CCDC171: variants seen among roughly 807,000 people sequenced by gnomAD.
CCDC171 encodes coiled-coil domain-containing protein 171.
CCDC171 carries 177 observed loss-of-function variants against 168.2 expected under a neutral mutation model. That is an observed-to-expected ratio of 1.05 (90% CI 0.93 to 1.19). The LOEUF is 1.19. Ranked by LOEUF, CCDC171 falls within the 50% of genes most tolerant of loss-of-function variation. The pLI is 0.00. For missense variants in CCDC171, 1,991 were observed against 1,539.0 expected (o/e 1.29, Z -4.91); for synonymous variants, 687 against 540.8 (o/e 1.27, Z -3.75).
intron 11 of CCDC171, among the ~76,000 whole-genome samples, chr9:15,709,456 G>C (rs1011350273): frequency 2.6e-5 from 4 of 152,090 alleles, no homozygotes; most frequent in Non-Finnish European, 5.9e-5. Context: ...AAGAAAAACA[G>C]AGGGAAAAGA....
chr9:15,575,836 A>C (rs950114184), intron 3 of CCDC171, among the ~76,000 whole-genome samples: 4 of 152,202 alleles, frequency 2.6e-5, no homozygotes, highest in African/African-American at 9.6e-5. Context: ...TCACGCCTGT[A>C]ATCCCAGCAC....
chr9:15,630,589 A>G (rs886481191), intron 7 of CCDC171, among the ~76,000 whole-genome samples: 4 of 152,184 alleles, frequency 2.6e-5, no homozygotes. Flanking sequence ...AGACTTTAAC[A>G]CCCCACTGTC....
intron 24 of CCDC171, among the ~76,000 whole-genome samples, chr9:15,914,673 G>A (rs142516197): frequency 1.5e-5 from 2 of 131,536 alleles, no homozygotes; most frequent in African/African-American, 5.3e-5. Flanking sequence ...TCTTGCTAGT[G>A]TTCCAGGTGA....
chr9:15,701,904 A>T lies in CCDC171; in HGVS notation c.1318+6567A>T, dbSNP rs144085111. On this transcript the variant is annotated intron_variant, in intron 11 of 25. Transcript: ENST00000380701. ...CCTGGAATGGTGAATTCTTTGCAGAAGTTGTCAATATAATTTGCCCAGATC... is the reference window on the plus strand; with the variant it reads ...CCTGGAATGGTGAATTCTTTGCAGATGTTGTCAATATAATTTGCCCAGATC... Among the ~76,000 whole-genome samples, 57 of 152,352 alleles carry T rather than the reference A, an allele frequency of 3.7e-4. No individual in the cohort carries two copies. In the East Asian group the frequency reaches 0.011, roughly 29 times the overall value.
chr9:15,932,523 GT>G, intron 25 of CCDC171, among the ~76,000 whole-genome samples: 1 of 151,706 alleles, frequency 6.6e-6, no homozygotes, highest in East Asian at 1.9e-4. Context: ...AGTTTTTGGG[GT>G]TTTCTATGTA....
At chr9:15,750,444 G>C (rs973546375) in intron 18 of CCDC171, among the ~76,000 whole-genome samples, 1 of 152,024 alleles carries the variant, frequency 6.6e-6, no homozygotes, top group Non-Finnish European at 1.5e-5. Context: ...TAGAAAAAGA[G>C]AATCCTCCCT....
intron 3 of CCDC171, among the ~76,000 whole-genome samples, chr9:15,993,561 A>T (rs1295463767): frequency 6.6e-6 from 1 of 152,232 alleles, no homozygotes; most frequent in Non-Finnish European, 1.5e-5. Context: ...AAAACACCAA[A>T]AGCAATGGCA....
intron 1 of CCDC171, among the ~76,000 whole-genome samples, chr9:16,048,647 TC>T (rs1833699448): frequency 6.6e-6 from 1 of 152,072 alleles, no homozygotes; most frequent in African/African-American, 2.4e-5. Context: ...AGTGGCTTTA[TC>T]TCTCTCTCTT....
At chr9:16,057,802 C>G (rs1361511365) in intron 1 of CCDC171, among the ~76,000 whole-genome samples, 2 of 152,156 alleles carry the variant, frequency 1.3e-5, no homozygotes, top group East Asian at 1.9e-4. Flanking sequence ...AGATGATATT[C>G]CTGGATCCAC....
intron 25 of CCDC171, among the ~76,000 whole-genome samples, chr9:15,959,597 CA>C (rs1466637637): frequency 1.3e-5 from 2 of 152,052 alleles, no homozygotes; most frequent in African/African-American, 4.8e-5. Context: ...ATCTAGTAGA[CA>C]ACCTACTCCA....
the CCDC171 span, among the ~76,000 whole-genome samples, chr9:16,105,608 C>T: frequency 2.0e-5 from 3 of 152,158 alleles, no homozygotes; most frequent in African/African-American, 7.2e-5. Flanking sequence ...GGCCTCTCTG[C>T]AGACAGGATC....
At chr9:15,979,664 A>G (rs1474319172) in intron 3 of CCDC171, among the ~76,000 whole-genome samples, 3 of 151,486 alleles carry the variant, frequency 2.0e-5, no homozygotes, top group Non-Finnish European at 4.4e-5. Flanking sequence ...GTGGTATGTA[A>G]TCTTTTTTTT....
chr9:15,771,802 A>G (rs902504539), intron 18 of CCDC171, among the ~76,000 whole-genome samples: 2 of 152,142 alleles, frequency 1.3e-5, no homozygotes, highest in Non-Finnish European at 2.9e-5. Flanking sequence ...ATAAATGATT[A>G]AACTATTTTT....
At chr9:15,729,928 C>A (rs535523731) in intron 16 of CCDC171, 130 bp downstream of exon 16, 2 of 626,498 alleles carry the variant, frequency 3.2e-6, no homozygotes, top group African/African-American at 3.6e-5. Flanking sequence ...TGTTTAGATA[C>A]ACATATATTT....
At chr9:15,850,774 T>C (rs1340014751) in intron 23 of CCDC171, among the ~76,000 whole-genome samples, 1 of 151,920 alleles carries the variant, frequency 6.6e-6, no homozygotes, top group East Asian at 1.9e-4. Flanking sequence ...GGTTTATTTT[T>C]CTGGCCACCT....
chr9:15,723,908 CAAGAATGTTTTTTTCATTTAA>C (rs960357143), intron 13 of CCDC171, among the ~76,000 whole-genome samples, 162 bp downstream of exon 13: 124 of 151,848 alleles, frequency 8.2e-4, no homozygotes, highest in African/African-American at 2.9e-3. Context: ...TTAAGAGTAA[CAAGAATGTTTTTTTCATTTAA>C]AAAATTAAAA....
intron 25 of CCDC171, among the ~76,000 whole-genome samples, chr9:15,971,309 A>T (rs1417718052): frequency 6.6e-6 from 1 of 152,150 alleles, no homozygotes; most frequent in African/African-American, 2.4e-5. Context: ...TCAAGGTAAA[A>T]ATCCCTGATT....
In CCDC171 at chr9:15,598,856, A is replaced by G. The variant is rs1411462265; in HGVS notation, c.675+4684A>G. Among the ~76,000 whole-genome samples, 11 of 152,292 alleles carry G rather than the reference A, an allele frequency of 7.2e-5. No individual in the cohort carries two copies. The East Asian group carries it at 1.9e-3, about 27-fold the overall frequency. On this transcript the variant is annotated intron_variant, in intron 6 of 25. Transcript: ENST00000380701. ...TCCTGTATTGGGTGCATATATATTT[A>G]GGATAGTTAGCTCTTCTTGTTGAAT...
chr9:15,900,893 G>A (rs891706021), intron 24 of CCDC171, among the ~76,000 whole-genome samples: 1 of 152,074 alleles, frequency 6.6e-6, no homozygotes, highest in African/African-American at 2.4e-5. Flanking sequence ...CCCTAAGTAC[G>A]GGAAGAGTCA....
Sources: allele counts gnomAD v4.1 joint callset (sites outside exome capture counted in the v4.1 genomes callset), GRCh38; gene constraint gnomAD v4.1.1; transcripts MANE v1.5; gene names NCBI Gene and HGNC (gene_info 2026-07-23, HGNC 2026-07-21).